The following VWDE variants were observed in gnomAD, a reference collection of about 807,000 sequenced individuals.
VWDE encodes von Willebrand factor D and EGF domain-containing protein.
In VWDE, 207 loss-of-function variants were observed where a neutral mutation model predicts 178.4. The ratio of observed to expected loss-of-function variants is 1.16; its 90% CI spans 1.04 to 1.30. The LOEUF (loss-of-function observed/expected upper bound fraction) is 1.30. VWDE is among the 50% of genes most tolerant of loss of function. VWDE has a pLI of 0.00. For missense variants in VWDE, 2,287 were observed against 1,901.3 expected (o/e 1.20, Z -3.77); for synonymous variants, 738 against 651.4 (o/e 1.13, Z -2.02).
At chr7:12,346,841 A>G (rs1048956559) in intron 19 of VWDE, among the ~76,000 whole-genome samples, 4 of 152,102 alleles carry the variant, frequency 2.6e-5, no homozygotes, top group African/African-American at 7.2e-5. Flanking sequence ...TAAAATATAA[A>G]AAACACTTAA....
Position 12,380,619 on chromosome 7 carries a change from T to G in VWDE, c.656A>C (p.Asn219Thr), listed in dbSNP as rs1298529254. 1 of 1,552,174 alleles carries G rather than the reference T, an allele frequency of 6.4e-7. No homozygotes were observed. Among genetic ancestry groups the G allele is most frequent in the South Asian group, 1.2e-5 (1 of 84,038 alleles). ...CCAAGCTATGTGAAATCCCACTGAG[T>G]TTTTTGTAGCGGGAACATCAAAAGA... ...RCSFDVPATK[N>T]SVGFHIAWSR... The change falls in exon 5 of 29, where the codon AAC (asparagine) becomes ACC (threonine). Residue 219 changes from asparagine (N) to threonine (T), a missense_variant. By Grantham distance (65) the Asn-to-Thr change is moderately conservative. Coordinates refer to ENST00000275358, the MANE Select transcript of VWDE (RefSeq NM_001135924.3).
intron 9 of VWDE, among the ~76,000 whole-genome samples, chr7:12,373,486 T>C (rs1007620203): frequency 6.6e-6 from 1 of 152,092 alleles, no homozygotes; most frequent in African/African-American, 2.4e-5. Context: ...CGTATGTGTA[T>C]GCACGTGACC....
In VWDE at chr7:12,350,622, C is replaced by T. The variant is rs147151382; in HGVS notation, c.3886+951G>A. On this transcript the variant is annotated intron_variant, in intron 19 of 28. Coordinates refer to ENST00000275358, the MANE Select transcript of VWDE (RefSeq NM_001135924.3). ...TTTGTACTAGAGGTACACTACACTA[C>T]AATGAGAGCGTAAGTTTGAGACCCT... 4.7e-3 allele frequency among the ~76,000 whole-genome samples: 708 copies of T among 152,218 alleles called. 1 individual carries two copies. Among genetic ancestry groups the T allele is most frequent in the Non-Finnish European group, 6.5e-3 (442 of 67,968 alleles).
intron 16 of VWDE, 142 bp downstream of exon 16, chr7:12,359,436 A>T: frequency 1.8e-6 from 1 of 551,034 alleles, no homozygotes; most frequent in Non-Finnish European, 3.3e-6. Context: ...CTATACCCTC[A>T]ACGTAAATTT....
intron 6 of VWDE, 139 bp downstream of exon 6, chr7:12,379,338 T>C (rs10270931): frequency 0.54 from 270,626 of 498,062 alleles, 75,177 homozygotes; most frequent in East Asian, 0.62. Context: ...GGGGCTTTTC[T>C]TCAAATATGG....
Position 12,337,029 on chromosome 7 carries a change from C to T in VWDE, c.4517G>A (p.Cys1506Tyr), listed in dbSNP as rs1034013218. 2 of 1,551,556 alleles carry T rather than the reference C, an allele frequency of 1.3e-6. No homozygotes were observed. Among genetic ancestry groups the T allele is most frequent in the African/African-American group, 2.7e-5 (2 of 73,162 alleles). ...CCCACTCCAACCAGAAGGACAAGAG[C>T]AAGTGCTTGGTCCCACACATTTTCC... ...NGGKCVGPST[C>Y]SCPSGWSGKR... Residue 1506 changes from cysteine to tyrosine, a missense_variant, in exon 26 of 29, where the codon TGC (cysteine) becomes TAC (tyrosine). Cys to Tyr is a radical substitution (Grantham distance 194). Coordinates refer to ENST00000275358, the MANE Select transcript of VWDE (RefSeq NM_001135924.3).
intron 19 of VWDE, among the ~76,000 whole-genome samples, chr7:12,349,851 G>A (rs1174615455): frequency 6.6e-6 from 1 of 151,910 alleles, no homozygotes; most frequent in Non-Finnish European, 1.5e-5. Flanking sequence ...CTATACATAA[G>A]AAGACAATTT....
Position 12,383,672 on chromosome 7 carries a change from G to T in VWDE, c.476-71C>A. 3 of 1,256,236 alleles carry T rather than the reference G, an allele frequency of 2.4e-6. No individual in the cohort carries two copies. In the South Asian group the frequency reaches 4.0e-5, roughly 17 times the overall value. The allele number at this position is 1,256,236 out of a possible 1,614,324, so 77.8% of individuals were successfully genotyped here. ...ATATACATCTACATATATCCAAGAT[G>T]ACAATTTATTGAAGGATGATTTAAT... On this transcript the variant is annotated intron_variant, in intron 3 of 28. Transcript: ENST00000275358.
At chr7:12,370,928 A>T (rs1783162956) in intron 10 of VWDE, 64 bp from the exon 11 acceptor site, 6 of 1,207,714 alleles carry the variant, frequency 5.0e-6, no homozygotes, top group Non-Finnish European at 5.5e-6. Context: ...TGGATTAAGA[A>T]AAATCTATTA....
At chr7:12,355,990 T>C in intron 18 of VWDE, 121 bp downstream of exon 18, 1 of 789,364 alleles carries the variant, frequency 1.3e-6, no homozygotes, top group Non-Finnish European at 2.0e-6. Flanking sequence ...GTAATAACTT[T>C]TATTAAAATT....
At chr7:12,389,910 C>A (rs1403824640) in intron 2 of VWDE, among the ~76,000 whole-genome samples, 1 of 152,116 alleles carries the variant, frequency 6.6e-6, no homozygotes, top group Non-Finnish European at 1.5e-5. Flanking sequence ...TGCCTGCAAT[C>A]CCAGCACTTT....
At chr7:12,343,951 GGTAATTTT>G (rs1393286901) in intron 21 of VWDE, among the ~76,000 whole-genome samples, 1 of 151,624 alleles carries the variant, frequency 6.6e-6, no homozygotes, top group Non-Finnish European at 1.5e-5. Flanking sequence ...CATTTCAGAG[GGTAATTTT>G]ACCAATAACA....
intron 1 of VWDE, 39 bp from the exon 2 acceptor site, chr7:12,393,817 T>C (rs1245958355): frequency 2.0e-6 from 3 of 1,485,190 alleles, no homozygotes; most frequent in African/African-American, 2.8e-5. Context: ...TAATGTGTTT[T>C]GTTTGTTGAC....
At chr7:12,385,628 C>T (rs1784060587) in intron 3 of VWDE, among the ~76,000 whole-genome samples, 1 of 152,164 alleles carries the variant, frequency 6.6e-6, no homozygotes, top group South Asian at 2.1e-4. Context: ...AGAACACCTG[C>T]TCCAGATATT....
At chr7:12,403,577 C>A in intron 1 of VWDE, 82 bp downstream of exon 1, 1 of 1,352,876 alleles carries the variant, frequency 7.4e-7, no homozygotes, top group South Asian at 1.4e-5. Flanking sequence ...CTCCCCAAGT[C>A]GTCCAAAAAG....
At chr7:12,347,423 C>G (rs1201447655) in intron 19 of VWDE, among the ~76,000 whole-genome samples, 1 of 151,920 alleles carries the variant, frequency 6.6e-6, no homozygotes, top group Non-Finnish European at 1.5e-5. Context: ...AGGTATATAT[C>G]AGAGATATCA....
intron 8 of VWDE, 35 bp downstream of exon 8, chr7:12,374,975 C>G (rs1783435343): frequency 6.6e-7 from 1 of 1,519,110 alleles, no homozygotes; most frequent in Non-Finnish European, 8.9e-7. Context: ...CTTCTTAAAG[C>G]TTCACTTGCA....
intron 19 of VWDE, among the ~76,000 whole-genome samples, chr7:12,347,877 T>C (rs1583285576): frequency 1.3e-5 from 2 of 152,096 alleles, no homozygotes; most frequent in Middle Eastern, 6.8e-3. Flanking sequence ...AAAACAGAGA[T>C]ATAGATCAAT....
chr7:12,356,754 C>T (rs1462674855), intron 17 of VWDE, among the ~76,000 whole-genome samples: 3 of 152,206 alleles, frequency 2.0e-5, no homozygotes, highest in Non-Finnish European at 2.9e-5. Flanking sequence ...AGTGTAAAAG[C>T]GTGTTCCAAG....
Sources: allele counts gnomAD v4.1 joint callset (sites outside exome capture counted in the v4.1 genomes callset), GRCh38; gene constraint gnomAD v4.1.1; transcripts MANE v1.5; gene names NCBI Gene and HGNC (gene_info 2026-07-23, HGNC 2026-07-21).